Variants in HS6ST3 observed in about 807,000 individuals in gnomAD.
The protein encoded by HS6ST3 is heparan sulfate 6-O-sulfotransferase 3.
Under a neutral mutation model 36.7 loss-of-function variants are expected in HS6ST3, and 12 were observed. The observed-to-expected ratio is 0.33, with a 90% CI of 0.21 to 0.53. The LOEUF (loss-of-function observed/expected upper bound fraction) is 0.53. Ranked by LOEUF, HS6ST3 falls within the 20% of genes least tolerant of loss-of-function variation. The probability of loss-of-function intolerance (pLI) is 0.95; values close to 1 mark genes in which losing one functional copy is unlikely to be tolerated. For missense variants in HS6ST3, 584 were observed against 640.9 expected (o/e 0.91, Z 0.96); for synonymous variants, 240 against 257.5 (o/e 0.93, Z 0.65).
intron 1 of HS6ST3, among the ~76,000 whole-genome samples, chr13:96,364,603 G>A (rs2055254400): frequency 6.6e-6 from 1 of 152,158 alleles, no homozygotes; most frequent in Admixed American, 6.5e-5. Flanking sequence ...AAGGGTCTGG[G>A]GGAGGGAGGA....
intron 1 of HS6ST3, among the ~76,000 whole-genome samples, chr13:96,454,901 G>T (rs1245259738): frequency 1.3e-5 from 2 of 148,922 alleles, no homozygotes; most frequent in Non-Finnish European, 3.0e-5. Context: ...ACGCCTTTAT[G>T]CCAGCCAAGC....
intron 1 of HS6ST3, among the ~76,000 whole-genome samples, chr13:96,235,513 A>G (rs2054530428): frequency 6.6e-6 from 1 of 152,196 alleles, no homozygotes; most frequent in Non-Finnish European, 1.5e-5. Flanking sequence ...TGGGATCACC[A>G]TTCCTAGCAA....
chr13:96,142,782 C>T (rs1288143830), intron 1 of HS6ST3, among the ~76,000 whole-genome samples: 4 of 151,966 alleles, frequency 2.6e-5, no homozygotes, highest in Non-Finnish European at 5.9e-5. Flanking sequence ...ATATTTTATC[C>T]TTCTCGTGTG....
intron 1 of HS6ST3, among the ~76,000 whole-genome samples, chr13:96,136,064 G>A (rs115471040): frequency 0.016 from 2,495 of 152,048 alleles, 57 homozygotes; most frequent in African/African-American, 0.057. Flanking sequence ...TGTGTCTGCC[G>A]TATAGGGTCA....
At chr13:96,147,896 C>A (rs1027169483) in intron 1 of HS6ST3, among the ~76,000 whole-genome samples, 1 of 152,178 alleles carries the variant, frequency 6.6e-6, no homozygotes, top group Admixed American at 6.5e-5. Context: ...ACTCAGCAAG[C>A]CTACCATATG....
intron 1 of HS6ST3, among the ~76,000 whole-genome samples, chr13:96,707,456 C>G (rs1287931538): frequency 6.6e-6 from 1 of 152,194 alleles, no homozygotes; most frequent in South Asian, 2.1e-4. Flanking sequence ...AGTGAGCAAT[C>G]AGTAATCTCT....
chr13:96,790,809 A>T (rs1242965725), intron 1 of HS6ST3, among the ~76,000 whole-genome samples: 1 of 152,056 alleles, frequency 6.6e-6, no homozygotes, highest in Non-Finnish European at 1.5e-5. Context: ...CTAAGATTCA[A>T]ATGCCCAGCC....
chr13:96,552,394 G>A (rs9584379), intron 1 of HS6ST3, among the ~76,000 whole-genome samples: 2,589 of 152,298 alleles, frequency 0.017, 67 homozygotes, highest in African/African-American at 0.059. Flanking sequence ...AAGGTGACAC[G>A]CTGTTCTGGG....
intron 1 of HS6ST3, among the ~76,000 whole-genome samples, chr13:96,799,487 T>C (rs1469817290): frequency 1.3e-5 from 2 of 152,030 alleles, no homozygotes; most frequent in Admixed American, 6.6e-5. Context: ...TGTAGGGACA[T>C]GGATGAAATT....
At chr13:96,393,011 G>A (rs1022766779) in intron 1 of HS6ST3, among the ~76,000 whole-genome samples, 1 of 152,018 alleles carries the variant, frequency 6.6e-6, no homozygotes, top group Admixed American at 6.6e-5. Flanking sequence ...TGAATTGTGG[G>A]GACAGTTTCT....
At chr13:96,772,232 T>TGC (rs1489594412) in intron 1 of HS6ST3, among the ~76,000 whole-genome samples, 1 of 152,222 alleles carries the variant, frequency 6.6e-6, no homozygotes, top group African/African-American at 2.4e-5. Flanking sequence ...TCGGGCCTCC[T>TGC]GCCCATTCCC....
intron 1 of HS6ST3, among the ~76,000 whole-genome samples, chr13:96,366,980 T>A (rs186357171): frequency 6.6e-6 from 1 of 152,292 alleles, no homozygotes; most frequent in Admixed American, 6.5e-5. Context: ...CCTTCTGCCG[T>A]GACAGTGAGG....
intron 1 of HS6ST3, among the ~76,000 whole-genome samples, chr13:96,733,835 T>C (rs1326048091): frequency 6.6e-6 from 1 of 152,148 alleles, no homozygotes; most frequent in Non-Finnish European, 1.5e-5. Flanking sequence ...TTGATTGGCT[T>C]CCTGTCTCTC....
rs796672942 is a variant in HS6ST3, at chr13:96,614,329, C to A, written c.708-218161C>A. ...AAAAAAAAAAAAAAAAAAAAAAAAA[C>A]AGTTATTACCAGAGTGCAGCAGAAA... is the stretch of plus-strand genomic sequence containing the variant. On this transcript the variant is annotated intron_variant, in intron 1 of 1. Coordinates refer to ENST00000376705, the MANE Select transcript of HS6ST3 (RefSeq NM_153456.4). Among the ~76,000 whole-genome samples, 598 of 67,208 alleles carry A rather than the reference C, an allele frequency of 8.9e-3. 3 individuals carry two copies. Among genetic ancestry groups the A allele is most frequent in the African/African-American group, 0.021 (352 of 16,880 alleles). 44.1% of individuals were successfully genotyped at this position (67,208 alleles called of 152,430 possible).
Position 96,090,934 on chromosome 13 carries a change from G to C in HS6ST3, c.72G>C (p.Gln24His). 1 of 1,489,924 alleles carries C rather than the reference G, an allele frequency of 6.7e-7. No individual in the cohort carries two copies. Among genetic ancestry groups the C allele is most frequent in the Non-Finnish European group, 9.0e-7 (1 of 1,112,742 alleles). The allele number at this position is 1,489,924 out of a possible 1,614,324, so 92.3% of individuals were successfully genotyped here. Residue 24 changes from glutamine to histidine, a missense_variant, in exon 1 of 2, where the codon CAG (glutamine) becomes CAC (histidine). This residue lies in a region of HS6ST3 where 217 missense variants were observed against 205.4 expected (regional missense o/e 1.06). Coordinates refer to ENST00000376705, the MANE Select transcript of HS6ST3 (RefSeq NM_153456.4). ...LTLLFVVIMY[Q>H]YVSPSCTSSC... ...TCCTCTTCGTGGTCATCATGTACCA[G>C]TACGTGTCCCCCTCCTGCACCAGCT...
intron 1 of HS6ST3, among the ~76,000 whole-genome samples, chr13:96,404,759 A>G (rs539864870): frequency 6.6e-6 from 1 of 152,284 alleles, no homozygotes; most frequent in Non-Finnish European, 1.5e-5. Flanking sequence ...AGATAATAGA[A>G]TTCTGTGCTA....
chr13:96,751,750 G>A (rs1566445063), intron 1 of HS6ST3, among the ~76,000 whole-genome samples: 1 of 151,778 alleles, frequency 6.6e-6, no homozygotes, highest in Non-Finnish European at 1.5e-5. Context: ...TGGCTTGTGT[G>A]TATGTGTGTG....
At chr13:96,707,391 G>T (rs1463116840) in intron 1 of HS6ST3, among the ~76,000 whole-genome samples, 1 of 152,196 alleles carries the variant, frequency 6.6e-6, no homozygotes, top group African/African-American at 2.4e-5. Context: ...AAATGTTGTT[G>T]CTTCAGCCAC....
At chr13:96,489,327 C>T (rs1429393243) in intron 1 of HS6ST3, among the ~76,000 whole-genome samples, 2 of 151,692 alleles carry the variant, frequency 1.3e-5, no homozygotes, top group African/African-American at 2.4e-5. Flanking sequence ...TCAAGACACA[C>T]AATAAACTCA....
Sources: gnomAD v4.1 joint callset for allele counts (sites outside exome capture counted in the v4.1 genomes callset) on GRCh38, gnomAD v4.1.1 for gene constraint, gnomAD v4.1.1 regional missense constraint, MANE v1.5 for transcripts, NCBI Gene and HGNC (gene_info 2026-07-23, HGNC 2026-07-21) for gene names.